Variants in PXDNL observed in about 807,000 individuals in gnomAD.
PXDNL encodes the protein probable oxidoreductase PXDNL.
In PXDNL, 145 loss-of-function variants were observed where a neutral mutation model predicts 150.8. The observed-to-expected ratio is 0.96, with a 90% CI of 0.84 to 1.10. The LOEUF (loss-of-function observed/expected upper bound fraction) is 1.10, where lower values mean the gene tolerates loss of function less well. PXDNL is among the 50% of genes least tolerant of loss of function. The pLI is 0.00. For missense variants in PXDNL, 2,087 were observed against 1,873.9 expected (o/e 1.11, Z -2.10); for synonymous variants, 757 against 725.7 (o/e 1.04, Z -0.69).
intron 2 of PXDNL, among the ~76,000 whole-genome samples, chr8:51,637,220 G>A (rs762968724): frequency 6.6e-6 from 1 of 152,130 alleles, no homozygotes; most frequent in Admixed American, 6.6e-5. Context: ...ACCAAAGGTA[G>A]ATAAAACCAT....
chr8:51,425,570 A>G (rs1356554257), intron 13 of PXDNL, among the ~76,000 whole-genome samples: 1 of 152,064 alleles, frequency 6.6e-6, no homozygotes, highest in Non-Finnish European at 1.5e-5. Context: ...GTGGTGGCTC[A>G]CACTTGTAAT....
chr8:51,605,024 A>T (rs1383701684), intron 2 of PXDNL, among the ~76,000 whole-genome samples: 2 of 152,242 alleles, frequency 1.3e-5, no homozygotes, highest in Admixed American at 1.3e-4. Context: ...ATACCAAGTT[A>T]ATTTTGGTAA....
In PXDNL at chr8:51,438,130, T is replaced by C. The variant is rs1586106849; in HGVS notation, c.1525+8874A>G. On this transcript the variant is annotated intron_variant, in intron 12 of 22. Coordinates refer to ENST00000356297, the MANE Select transcript of PXDNL (RefSeq NM_144651.5). The stretch of plus-strand genomic sequence containing the variant: ...TCAAGGAGGTGAAAGAGCTCTATAA[T>C]GAAAACTTCAAAACACTGCTGAAAG... Among the ~76,000 whole-genome samples the C allele has an allele frequency of 2.0e-5, 3 of 152,272 alleles. No individual in the cohort carries two copies. In the East Asian group the frequency reaches 5.8e-4, roughly 29 times the overall value.
chr8:51,340,871 G>A (rs1360231051), intron 20 of PXDNL, among the ~76,000 whole-genome samples: 1 of 152,160 alleles, frequency 6.6e-6, no homozygotes, highest in Non-Finnish European at 1.5e-5. Context: ...TAATGCAAAT[G>A]GTTGGACATT....
chr8:51,526,325 A>G (rs1373506495), intron 4 of PXDNL, among the ~76,000 whole-genome samples: 6 of 151,194 alleles, frequency 4.0e-5, no homozygotes, highest in Admixed American at 3.3e-4. Context: ...CGTACCACTA[A>G]GTAGCTGATC....
At chr8:51,364,326 T>G (rs148972538) in intron 19 of PXDNL, among the ~76,000 whole-genome samples, 29 of 152,228 alleles carry the variant, frequency 1.9e-4, no homozygotes, top group African/African-American at 6.7e-4. Flanking sequence ...ACCTCACAAC[T>G]CAGAAGGTCC....
intron 1 of PXDNL, among the ~76,000 whole-genome samples, chr8:51,679,893 C>T (rs1815704977): frequency 6.6e-6 from 1 of 152,086 alleles, no homozygotes; most frequent in South Asian, 2.1e-4. Context: ...CAAAGTTATC[C>T]CTGTTTGTGC....
Position 51,409,291 on chromosome 8 carries a change from G to A in PXDNL, c.2333C>T (p.Pro778Leu), listed in dbSNP as rs773684857. The change falls in exon 17 of 23, where the codon CCG becomes CTG. Residue 778 changes from proline to leucine, a missense_variant. Physicochemically the swap from Pro to Leu is moderately conservative, Grantham distance 98. Transcript: ENST00000356297. ...CACTGTGGCGACCAGCCGGGGCGGC[G>A]GGAGGGGCTGGCGGGAGCCCACAGG... Reference protein sequence around the residue: ...GLPVGSRQPLPPPRLVATVWA... With the variant: ...GLPVGSRQPLLPPRLVATVWA... The A allele has an allele frequency of 3.1e-5, 44 of 1,422,698 alleles. 1 individual carries two copies. In the South Asian group the frequency reaches 6.6e-4, roughly 21 times the overall value. 88.1% of individuals were successfully genotyped at this position (1,422,698 alleles called of 1,614,324 possible).
chr8:51,696,800 G>A (rs1563510250), intron 1 of PXDNL, among the ~76,000 whole-genome samples: 24 of 914 alleles, frequency 0.026, no homozygotes, highest in South Asian at 0.056. Context: ...CCCACACATA[G>A]GTCTTCACAC....
chr8:51,622,964 C>G (rs1261996408), intron 2 of PXDNL, among the ~76,000 whole-genome samples: 1 of 152,168 alleles, frequency 6.6e-6, no homozygotes, highest in Non-Finnish European at 1.5e-5. Context: ...AGTGGAAAGA[C>G]AAAAGGAACT....
chr8:51,668,148 A>G (rs547624923), intron 1 of PXDNL, among the ~76,000 whole-genome samples: 1 of 142,054 alleles, frequency 7.0e-6, no homozygotes, highest in African/African-American at 2.6e-5. Flanking sequence ...AGTTTTTACC[A>G]TAATACAAGG....
chr8:51,685,518 G>C (rs1041933804), intron 1 of PXDNL, among the ~76,000 whole-genome samples: 3 of 152,130 alleles, frequency 2.0e-5, no homozygotes, highest in African/African-American at 7.2e-5. Context: ...TGCCTACTTA[G>C]CCTCTCTGGG....
At chr8:51,472,429 A>C in intron 7 of PXDNL, 125 bp from the exon 8 acceptor site, 1 of 636,756 alleles carries the variant, frequency 1.6e-6, no homozygotes, top group Non-Finnish European at 2.7e-6. Context: ...ATCGAACTGC[A>C]TTTACCCGGT....
chr8:51,361,238 C>A (rs1240468046), intron 19 of PXDNL, among the ~76,000 whole-genome samples: 5 of 152,148 alleles, frequency 3.3e-5, no homozygotes, highest in Admixed American at 6.5e-5. Flanking sequence ...CACGTTGGAT[C>A]TGATATTAAC....
chr8:51,652,460 C>CAA (rs57363855), intron 2 of PXDNL, among the ~76,000 whole-genome samples: 1 of 137,988 alleles, frequency 7.2e-6, no homozygotes, highest in African/African-American at 2.6e-5. Context: ...CACACACACA[C>CAA]AAACACACAC....
chr8:51,622,560 T>C (rs145052275), intron 2 of PXDNL, among the ~76,000 whole-genome samples: 242 of 152,318 alleles, frequency 1.6e-3, no homozygotes, highest in African/African-American at 5.5e-3. Flanking sequence ...TTTATTATGA[T>C]GTATTAACAT....
chr8:51,552,117 C>G lies in PXDNL; in HGVS notation c.380+4723G>C, dbSNP rs1409187425. 2.6e-5 allele frequency among the ~76,000 whole-genome samples: 4 copies of G among 152,036 alleles called. No homozygotes were observed. The East Asian group carries it at 5.8e-4, about 22-fold the overall frequency. On this transcript the variant is annotated intron_variant, in intron 4 of 22. Coordinates refer to ENST00000356297, the MANE Select transcript of PXDNL (RefSeq NM_144651.5). ...TTATCAGGAAAATGCAAATCAAAAC[C>G]ACAATGCGATACTACCTTACTCCTG...
chr8:51,544,510 T>A (rs1812309568), intron 4 of PXDNL, among the ~76,000 whole-genome samples: 1 of 152,222 alleles, frequency 6.6e-6, no homozygotes, highest in Non-Finnish European at 1.5e-5. Flanking sequence ...ATTGTTGTGT[T>A]TACCAAATTT....
At chr8:51,656,253 A>G (rs1242612442) in intron 1 of PXDNL, among the ~76,000 whole-genome samples, 3 of 152,214 alleles carry the variant, frequency 2.0e-5, no homozygotes, top group South Asian at 4.1e-4. Flanking sequence ...TCTATCATCT[A>G]TCACTTCATC....
Sources: allele counts gnomAD v4.1 joint callset (sites outside exome capture counted in the v4.1 genomes callset), GRCh38; gene constraint gnomAD v4.1.1; transcripts MANE v1.5; gene names NCBI Gene and HGNC (gene_info 2026-07-23, HGNC 2026-07-21).